ZNF398: variants seen among roughly 807,000 people sequenced by gnomAD.
ZNF398 encodes zinc finger protein 398.
A neutral mutation model predicts 41.9 loss-of-function variants in ZNF398; 18 were observed. The observed-to-expected ratio is 0.43, with a 90% CI of 0.30 to 0.64. The LOEUF is 0.64. Ranked by LOEUF, ZNF398 falls within the 30% of genes least tolerant of loss-of-function variation. The pLI is 0.14. For synonymous variants in ZNF398, 260 were observed against 308.8 expected, an observed-to-expected ratio of 0.84 and a Z score of 1.66; for missense variants, 669 against 822.8, an observed-to-expected ratio of 0.81 and a Z score of 2.29.
chr7:149,139,900 A>G (rs963882329), intron 2 of ZNF398, among the ~76,000 whole-genome samples: 1 of 150,774 alleles, frequency 6.6e-6, no homozygotes, highest in Non-Finnish European at 1.5e-5. Flanking sequence ...AGCTCTACTC[A>G]GGAGGCTGAG....
intron 1 of ZNF398, chr7:149,148,068 C>T: frequency 3.0e-6 from 1 of 336,426 alleles, no homozygotes; most frequent in East Asian, 4.4e-5. Flanking sequence ...GTGTCAGCCC[C>T]ACGCCTGCCC....
At chr7:149,152,200 C>T (rs371518423) in intron 1 of ZNF398, among the ~76,000 whole-genome samples, 7 of 151,124 alleles carry the variant, frequency 4.6e-5, no homozygotes, top group East Asian at 1.9e-4. Context: ...GGCGACAGAG[C>T]GAGACTCTGT....
At chr7:149,167,098 T>C (rs1795240252) in intron 4 of ZNF398, among the ~76,000 whole-genome samples, 168 bp downstream of exon 4, 1 of 152,240 alleles carries the variant, frequency 6.6e-6, no homozygotes, top group African/African-American at 2.4e-5. Context: ...AGAGGTCACC[T>C]TGTCCAGTGT....
chr7:149,127,161 AGAAAG>A lies in ZNF398; in HGVS notation c.-612+509_-612+513del, dbSNP rs1195489747. On this transcript the variant is annotated intron_variant, in intron 1 of 6. Transcript: ENST00000426851. Reference sequence around the variant, plus strand: ...GCAGAAGGGGAAACCAGGGAGAGACAGAAAGGAGAGAGAGGGCAAGGAAGGGGGTG... The same window carrying A: ...GCAGAAGGGGAAACCAGGGAGAGACAGAGAGAGAGGGCAAGGAAGGGGGTG... 2.6e-5 allele frequency among the ~76,000 whole-genome samples: 4 copies of A among 152,178 alleles called. No individual in the cohort carries two copies. The East Asian group carries it at 7.7e-4, about 29-fold the overall frequency.
chr7:149,178,724 T>A lies in ZNF398; in HGVS notation c.852T>A (p.Ser284=). 6.2e-7 allele frequency: 1 copy of A among 1,614,190 alleles called. No homozygotes were observed. Among genetic ancestry groups the A allele is most frequent in the Non-Finnish European group, 8.5e-7 (1 of 1,180,036 alleles). The change falls in exon 6 of 6, where the codon TCT becomes TCA. Residue 284 remains serine, a synonymous_variant. Transcript: ENST00000475153. Reference sequence around the variant, plus strand: ...CTGAGGTTCCAGTCCCTTTCTCTTCTCCACCAGCAGCAGCAAAGGATGCTT... The same window carrying A: ...CTGAGGTTCCAGTCCCTTTCTCTTCACCACCAGCAGCAGCAAAGGATGCTT... ...LCPEVPVPFS[S]PPAAAKDAFS...
At position 149,179,171 on chromosome 7, in the gene ZNF398, C is replaced by G; in HGVS notation, c.1299C>G (p.Pro433=). 3 of 1,613,814 alleles carry G rather than the reference C, an allele frequency of 1.9e-6. No individual in the cohort carries two copies. Among genetic ancestry groups the G allele is most frequent in the Admixed American group, 1.7e-5 (1 of 59,992 alleles). The part of the protein sequence containing the change: ...TERPFPCPDC[P]KRFADQARLT... Reference sequence around the variant, plus strand: ...GTCCTTTCCCCTGTCCTGATTGCCCCAAGCGCTTTGCTGACCAGGCTCGAC... The same window carrying G: ...GTCCTTTCCCCTGTCCTGATTGCCCGAAGCGCTTTGCTGACCAGGCTCGAC... Residue 433 remains proline, a synonymous_variant, in exon 6 of 6, where the codon CCC becomes CCG. Transcript: ENST00000475153. The surrounding 1 kb of genome is among the most constrained non-coding windows in gnomAD (Gnocchi z 6.1).
chr7:149,157,028 G>A (rs1794994797), intron 2 of ZNF398, among the ~76,000 whole-genome samples: 7 of 152,004 alleles, frequency 4.6e-5, no homozygotes, highest in Admixed American at 4.6e-4. Context: ...AACTAGGTTG[G>A]CTCCAGAGCA....
chr7:149,178,011 G>A (rs1018517524), intron 5 of ZNF398, among the ~76,000 whole-genome samples: 48 of 152,300 alleles, frequency 3.2e-4, no homozygotes, highest in African/African-American at 1.0e-3. Flanking sequence ...CCTGAGCACA[G>A]CTGGACGCGG....
chr7:149,175,548 C>T (rs1795443403), intron 4 of ZNF398, among the ~76,000 whole-genome samples: 1 of 152,092 alleles, frequency 6.6e-6, no homozygotes, highest in African/African-American at 2.4e-5. Context: ...TGACTTGTAT[C>T]ATTTAATAGA....
intron 2 of ZNF398, among the ~76,000 whole-genome samples, chr7:149,141,134 C>T (rs1795047583): frequency 6.6e-6 from 1 of 151,362 alleles, no homozygotes; most frequent in African/African-American, 2.4e-5. Flanking sequence ...CAAAATTTCA[C>T]AAGGAGGGAG....
chr7:149,171,018 T>G (rs1395682048), intron 4 of ZNF398, among the ~76,000 whole-genome samples: 71 of 149,098 alleles, frequency 4.8e-4, no homozygotes, highest in Non-Finnish European at 2.2e-4. Flanking sequence ...TAATTTTTTT[T>G]TTTTTTTTTT....
intron 5 of ZNF398, among the ~76,000 whole-genome samples, chr7:149,177,242 C>G (rs1369635769): frequency 6.6e-6 from 1 of 151,828 alleles, no homozygotes; most frequent in Non-Finnish European, 1.5e-5. Context: ...ACTAGGCAAG[C>G]CTGTTAAGTG....
intron 4 of ZNF398, among the ~76,000 whole-genome samples, chr7:149,168,371 C>G (rs1795267523): frequency 6.6e-6 from 1 of 152,040 alleles, no homozygotes. Flanking sequence ...AGCCACCGCA[C>G]CCAGCCATCT....
Position 149,182,923 on chromosome 7 carries a change from C to G in ZNF398, c.*3122C>G, listed in dbSNP as rs139883321. ...GAAGGTGTGGGGCTCTGCTGGGCTT[C>G]TCTTGAGCATATCTGAGAAGTGATG... On this transcript the variant is annotated 3_prime_UTR_variant, in exon 6 of 6. Transcript: ENST00000475153. The G allele has an allele frequency of 5.3e-5, 8 of 151,534 alleles. No homozygotes were observed. The East Asian group carries it at 1.4e-3, about 26-fold the overall frequency. The allele number at this position is 151,534 out of a possible 1,614,324, so 9.4% of individuals were successfully genotyped here. A position where few individuals can be genotyped will look rare whatever the true frequency, so the allele number is the denominator to read the frequency against.
intron 1 of ZNF398, chr7:149,128,782 AT>A (rs1826538058): frequency 6.7e-6 from 1 of 148,694 alleles, no homozygotes; most frequent in South Asian, 2.1e-4. Flanking sequence ...AAATAAAATT[AT>A]ATATATATAT....
At chr7:149,166,406 C>A in intron 3 of ZNF398, 122 bp downstream of exon 3, 2 of 1,260,802 alleles carry the variant, frequency 1.6e-6, no homozygotes, top group Non-Finnish European at 2.2e-6. Flanking sequence ...ATTCTGGTTT[C>A]AAGCCAAAAT....
At position 149,160,279 on chromosome 7, in the gene ZNF398, A is replaced by G. The variant is rs115648132; in HGVS notation, c.421-5879A>G. On this transcript the variant is annotated intron_variant, in intron 2 of 5. Coordinates refer to ENST00000475153, the MANE Select transcript of ZNF398 (RefSeq NM_170686.3). ...CGGGGGTCTCAACTAAAAATACAAA[A>G]AAGTAGCCAGATGTGGTGGTGGGGG... Among the ~76,000 whole-genome samples, 580 of 152,220 alleles carry G rather than the reference A, an allele frequency of 3.8e-3. 6 individuals are homozygous for G. Among genetic ancestry groups the G allele is most frequent in the African/African-American group, 0.013 (551 of 41,534 alleles).
intron 2 of ZNF398, among the ~76,000 whole-genome samples, chr7:149,133,678 T>TATATACACAC (rs1483673161): frequency 1.5e-5 from 1 of 67,014 alleles, no homozygotes; most frequent in African/African-American, 6.1e-5. Context: ...TATATATATA[T>TATATACACAC]ACATATATAT....
chr7:149,155,415 G>A (rs920773530), intron 2 of ZNF398, among the ~76,000 whole-genome samples: 4 of 152,086 alleles, frequency 2.6e-5, no homozygotes, highest in African/African-American at 7.2e-5. Context: ...GTGAGACTCC[G>A]TCTCCAACAA....
Sources: allele counts gnomAD v4.1 joint callset (sites outside exome capture counted in the v4.1 genomes callset), GRCh38; gene constraint gnomAD v4.1.1; non-coding constraint Gnocchi (gnomAD v3.1); transcripts MANE v1.5; gene names NCBI Gene and HGNC (gene_info 2026-07-23, HGNC 2026-07-21).